The following TMEM255B variants were observed in gnomAD, a reference collection of about 807,000 sequenced individuals.
The protein encoded by TMEM255B is transmembrane protein 255B.
In TMEM255B, 35 loss-of-function variants were observed where a neutral mutation model predicts 34.5. That is an observed-to-expected ratio of 1.01 (90% CI 0.77 to 1.34). TMEM255B has a LOEUF of 1.34. Among genes scored for constraint, TMEM255B ranks in the 40% most tolerant of loss-of-function variants. TMEM255B has a pLI of 0.00. For synonymous variants in TMEM255B, 206 were observed against 201.2 expected, an observed-to-expected ratio of 1.02 and a Z score of -0.20; for missense variants, 432 against 433.2, an observed-to-expected ratio of 1.00 and a Z score of 0.02.
chr13:113,808,678 A>T (rs564757699), intron 8 of TMEM255B, among the ~76,000 whole-genome samples: 1 of 133,912 alleles, frequency 7.5e-6, no homozygotes, highest in African/African-American at 2.9e-5. Flanking sequence ...CTCTGTGGTT[A>T]CTGGGGGTTT....
At chr13:113,785,063 T>G (rs765677488) in intron 3 of TMEM255B, among the ~76,000 whole-genome samples, 1 of 152,238 alleles carries the variant, frequency 6.6e-6, no homozygotes, top group Non-Finnish European at 1.5e-5. Flanking sequence ...GCAGAATGTT[T>G]CTGGGTGGAG....
intron 5 of TMEM255B, 154 bp downstream of exon 5, chr13:113,799,573 T>C: frequency 1.5e-6 from 1 of 682,616 alleles, no homozygotes; most frequent in East Asian, 2.7e-5. Context: ...ATGCCCCCTG[T>C]GTTTGGGACC....
chr13:113,759,381 C>G (rs968375673), intron 1 of TMEM255B, 66 bp downstream of exon 1: 6 of 1,214,674 alleles, frequency 4.9e-6, no homozygotes, highest in East Asian at 6.4e-5. Flanking sequence ...GGGGCTGGGA[C>G]TACAGGTCCC....
intron 1 of TMEM255B, among the ~76,000 whole-genome samples, chr13:113,763,569 G>GTTTTATA: frequency 6.6e-6 from 1 of 152,180 alleles, no homozygotes; most frequent in Admixed American, 6.5e-5. Context: ...AAAGCATTGT[G>GTTTTATA]GTCCTAATTT....
chr13:113,766,360 G>C (rs1261711028), intron 2 of TMEM255B, 103 bp downstream of exon 2: 1 of 1,538,450 alleles, frequency 6.5e-7, no homozygotes, highest in African/African-American at 1.4e-5. Context: ...GCTGAAGGTG[G>C]GGAGGCTTCG....
intron 4 of TMEM255B, among the ~76,000 whole-genome samples, chr13:113,798,541 G>A (rs935020604): frequency 6.7e-6 from 1 of 148,962 alleles, no homozygotes; most frequent in Non-Finnish European, 1.5e-5. Flanking sequence ...TGATGGATGT[G>A]GATGGATAGA....
chr13:113,787,242 G>A (rs1301599870), intron 3 of TMEM255B, among the ~76,000 whole-genome samples: 3 of 152,178 alleles, frequency 2.0e-5, no homozygotes, highest in African/African-American at 7.2e-5. Context: ...CAGAGCCAAC[G>A]GTCTGGATTT....
At chr13:113,776,077 C>T (rs895023476) in intron 3 of TMEM255B, among the ~76,000 whole-genome samples, 2 of 152,224 alleles carry the variant, frequency 1.3e-5, no homozygotes, top group African/African-American at 2.4e-5. Flanking sequence ...TCCATGCAAA[C>T]GCCTCAGGCC....
At chr13:113,792,034 G>A (rs1258574345) in intron 3 of TMEM255B, among the ~76,000 whole-genome samples, 2 of 152,234 alleles carry the variant, frequency 1.3e-5, no homozygotes, top group African/African-American at 2.4e-5. Context: ...AGCTGGGGAC[G>A]CGGCCCCGCT....
chr13:113,762,508 G>T (rs376833005), intron 1 of TMEM255B, among the ~76,000 whole-genome samples: 2 of 152,162 alleles, frequency 1.3e-5, no homozygotes, highest in East Asian at 1.9e-4. Context: ...TAGCAGATGG[G>T]GGGGAAGTTA....
At chr13:113,771,827 T>C (rs1472811820) in intron 3 of TMEM255B, among the ~76,000 whole-genome samples, 1 of 152,238 alleles carries the variant, frequency 6.6e-6, no homozygotes, top group Non-Finnish European at 1.5e-5. Context: ...TACATAGGTT[T>C]CTGTGTGAAA....
chr13:113,779,132 CG>C (rs1403900467), intron 3 of TMEM255B, among the ~76,000 whole-genome samples: 2 of 151,764 alleles, frequency 1.3e-5, no homozygotes, highest in Non-Finnish European at 2.9e-5. Context: ...ATCTTGGGGT[CG>C]GCATGTTTCT....
intron 5 of TMEM255B, among the ~76,000 whole-genome samples, chr13:113,800,431 G>A (rs542479149): frequency 9.2e-5 from 14 of 151,958 alleles, no homozygotes; most frequent in Non-Finnish European, 1.5e-4. Flanking sequence ...CAAGCCTGGG[G>A]GGAGAGCGCC....
chr13:113,791,106 G>T (rs1407781795), intron 3 of TMEM255B, among the ~76,000 whole-genome samples: 1 of 152,218 alleles, frequency 6.6e-6, no homozygotes, highest in Admixed American at 6.5e-5. Context: ...GGTGAAATTG[G>T]GTGGGGGTGA....
At chr13:113,798,277 G>A (rs2050977201) in intron 4 of TMEM255B, among the ~76,000 whole-genome samples, 1 of 151,816 alleles carries the variant, frequency 6.6e-6, no homozygotes, top group South Asian at 2.1e-4. Flanking sequence ...ATAGGAGGAT[G>A]GATAACGGAT....
rs1285516263 is a variant in TMEM255B at position 113,770,135 on chromosome 13, G to A, written c.252+975G>A. On this transcript the variant is annotated intron_variant, in intron 3 of 8. Transcript: ENST00000375353. The surrounding 1 kb of genome is among the most constrained non-coding windows in gnomAD (Gnocchi z 4.6). ...GTTTACAAAAGAAAGAGGTTTAATT[G>A]AACTCACAGTTCCACGTGGCTGGGG... is the stretch of plus-strand genomic sequence containing the variant. Among the ~76,000 whole-genome samples the A allele has an allele frequency of 6.6e-6, 1 of 152,186 alleles. No individual in the cohort carries two copies. The highest frequency in any genetic ancestry group is 2.4e-5 in the African/African-American group (1 of 41,442).
chr13:113,803,912 G>A (rs376195882), intron 7 of TMEM255B, among the ~76,000 whole-genome samples: 1 of 150,734 alleles, frequency 6.6e-6, no homozygotes, highest in Non-Finnish European at 1.5e-5. Flanking sequence ...GGTTTTCACC[G>A]TGTCCCCGGG....
chr13:113,800,769 T>G (rs545611614), intron 5 of TMEM255B, 58 bp from the exon 6 acceptor site: 5 of 1,511,332 alleles, frequency 3.3e-6, no homozygotes, highest in Non-Finnish European at 1.8e-6. Flanking sequence ...CTGCCCTTGG[T>G]GGGGTGGGTG....
intron 8 of TMEM255B, among the ~76,000 whole-genome samples, chr13:113,808,017 C>T (rs74658194): frequency 0.016 from 2,387 of 152,280 alleles, 72 homozygotes; most frequent in African/African-American, 0.055. Context: ...TGTGCCAGGC[C>T]AGCATGTGTG....
Sources: gnomAD v4.1 joint callset for allele counts (sites outside exome capture counted in the v4.1 genomes callset) on GRCh38, gnomAD v4.1.1 for gene constraint, Gnocchi (gnomAD v3.1) non-coding constraint, MANE v1.5 for transcripts, NCBI Gene and HGNC (gene_info 2026-07-23, HGNC 2026-07-21) for gene names.